Variants in RARB observed in about 807,000 individuals in gnomAD.
RARB encodes retinoic acid receptor beta.
RARB carries 17 observed loss-of-function variants against 51.9 expected under a neutral mutation model. That is an observed-to-expected ratio of 0.33 (90% CI 0.22 to 0.49). RARB has a LOEUF of 0.49. Among genes scored for constraint, RARB ranks in the 20% least tolerant of loss-of-function variants. The pLI is 0.99. For synonymous variants in RARB, 215 were observed against 195.4 expected (o/e 1.10, Z -0.84); for missense variants, 369 against 550.8 (o/e 0.67, Z 3.30).
chr3:25,590,602 C>T (rs1481821641), intron 5 of RARB, among the ~76,000 whole-genome samples: 2 of 152,124 alleles, frequency 1.3e-5, no homozygotes, highest in Non-Finnish European at 2.9e-5. Context: ...CTCACTGCAA[C>T]CTCCCCCTCC....
At chr3:25,488,061 T>C (rs1285556208) in intron 2 of RARB, among the ~76,000 whole-genome samples, 1 of 152,226 alleles carries the variant, frequency 6.6e-6, no homozygotes, top group Non-Finnish European at 1.5e-5. Context: ...GTTGACAGTA[T>C]GGGGAATTGG....
chr3:25,346,174 A>G (rs78070144), intron 5 of RARB, among the ~76,000 whole-genome samples: 2,874 of 152,134 alleles, frequency 0.019, 87 homozygotes, highest in African/African-American at 0.062. Flanking sequence ...TTTTCCGTTT[A>G]TTTTTAATCT....
At chr3:24,984,827 C>T (rs1696753326) in intron 2 of RARB, among the ~76,000 whole-genome samples, 1 of 152,112 alleles carries the variant, frequency 6.6e-6, no homozygotes, top group Non-Finnish European at 1.5e-5. Context: ...ATATGTACAG[C>T]AAAACATCAT....
At chr3:25,219,947 C>A (rs1478849559) in intron 5 of RARB, among the ~76,000 whole-genome samples, 1 of 152,132 alleles carries the variant, frequency 6.6e-6, no homozygotes, top group African/African-American at 2.4e-5. Flanking sequence ...CATTTTAAAA[C>A]TATTATTACT....
intron 3 of RARB, among the ~76,000 whole-genome samples, chr3:25,074,536 T>C (rs1193731929): frequency 6.6e-6 from 1 of 152,220 alleles, no homozygotes; most frequent in Non-Finnish European, 1.5e-5. Flanking sequence ...TAGTTATCTT[T>C]GACCCTTCTG....
intron 2 of RARB, among the ~76,000 whole-genome samples, chr3:24,891,876 AC>A (rs60729948): frequency 0.33 from 50,774 of 151,962 alleles, 10,755 homozygotes; most frequent in Non-Finnish European, 0.45. Context: ...CCCGGGGCAT[AC>A]CCATAGGGTT....
intron 2 of RARB, among the ~76,000 whole-genome samples, chr3:24,877,847 T>C (rs1040102185): frequency 6.6e-6 from 1 of 152,184 alleles, no homozygotes; most frequent in African/African-American, 2.4e-5. Context: ...CTCCAACACA[T>C]GTCCACATGA....
chr3:25,407,317 G>A (rs1707438250), intron 5 of RARB, among the ~76,000 whole-genome samples: 1 of 152,102 alleles, frequency 6.6e-6, no homozygotes, highest in Non-Finnish European at 1.5e-5. Context: ...GCAAATTCTG[G>A]TTTGGCCATT....
At chr3:25,017,855 T>A (rs1408830165) in intron 2 of RARB, among the ~76,000 whole-genome samples, 1 of 152,166 alleles carries the variant, frequency 6.6e-6, no homozygotes, top group South Asian at 2.1e-4. Flanking sequence ...AGTGTGATGG[T>A]ATTTGGAGGT....
At chr3:25,502,335 C>A (rs137977339) in intron 3 of RARB, among the ~76,000 whole-genome samples, 1 of 152,176 alleles carries the variant, frequency 6.6e-6, no homozygotes, top group South Asian at 2.1e-4. Flanking sequence ...AACTGGGAAA[C>A]GTGACCCTTG....
At chr3:25,204,735 C>T (rs542303000) in intron 5 of RARB, among the ~76,000 whole-genome samples, 20 of 152,268 alleles carry the variant, frequency 1.3e-4, no homozygotes, top group African/African-American at 2.4e-4. Flanking sequence ...GGCTGCAGAA[C>T]GGTGAATACT....
chr3:25,035,764 G>A (rs1697979033), intron 2 of RARB, among the ~76,000 whole-genome samples: 2 of 152,160 alleles, frequency 1.3e-5, no homozygotes, highest in South Asian at 2.1e-4. Context: ...AGAATATATG[G>A]AAAAGAATGG....
At chr3:25,159,459 G>A (rs1407381449) in intron 4 of RARB, among the ~76,000 whole-genome samples, 13 of 150,536 alleles carry the variant, frequency 8.6e-5, no homozygotes, top group Non-Finnish European at 1.3e-4. Flanking sequence ...GATTACAGGC[G>A]TGAGCCACCG....
intron 2 of RARB, among the ~76,000 whole-genome samples, chr3:25,462,716 A>C (rs930754593): frequency 6.6e-6 from 1 of 152,208 alleles, no homozygotes; most frequent in African/African-American, 2.4e-5. Flanking sequence ...AGGCTCCACC[A>C]TGTATCTCTG....
At chr3:24,998,515 C>A (rs1203299091) in intron 2 of RARB, among the ~76,000 whole-genome samples, 1 of 151,828 alleles carries the variant, frequency 6.6e-6, no homozygotes, top group African/African-American at 2.4e-5. Flanking sequence ...GGAGTTTTTG[C>A]AGTATTCCTT....
At chr3:25,414,912 G>A (rs1234721267) in intron 5 of RARB, among the ~76,000 whole-genome samples, 5 of 152,060 alleles carry the variant, frequency 3.3e-5, no homozygotes, top group African/African-American at 1.2e-4. Context: ...TGTTATCTTG[G>A]CTCACTGCAA....
At chr3:25,296,909 G>A (rs1044579428) in intron 5 of RARB, among the ~76,000 whole-genome samples, 1 of 152,196 alleles carries the variant, frequency 6.6e-6, no homozygotes, top group African/African-American at 2.4e-5. Context: ...TTGCAGGAGT[G>A]AGAAGATATG....
At chr3:24,898,242 T>C (rs994310892) in intron 2 of RARB, among the ~76,000 whole-genome samples, 5 of 151,992 alleles carry the variant, frequency 3.3e-5, no homozygotes, top group East Asian at 1.9e-4. Flanking sequence ...CTGGATAGTT[T>C]TGAGCAAGAA....
chr3:25,072,716 A>T (rs952169987), intron 3 of RARB, among the ~76,000 whole-genome samples: 23 of 148,702 alleles, frequency 1.5e-4, no homozygotes, highest in East Asian at 4.0e-4. Context: ...TTTTTTATTT[A>T]TTTTTTTTTT....
Sources: allele counts gnomAD v4.1 joint callset (sites outside exome capture counted in the v4.1 genomes callset), GRCh38; gene constraint gnomAD v4.1.1; transcripts MANE v1.5; gene names NCBI Gene and HGNC (gene_info 2026-07-23, HGNC 2026-07-21).